MATN2: variants seen among roughly 807,000 people sequenced by gnomAD.
MATN2 encodes matrilin-2.
A neutral mutation model predicts 103.2 loss-of-function variants in MATN2; 69 were observed. That is an observed-to-expected ratio of 0.67 (90% CI 0.55 to 0.82). The LOEUF (loss-of-function observed/expected upper bound fraction) is 0.82. MATN2 is among the 40% of genes least tolerant of loss of function. The pLI is 0.00. For synonymous variants in MATN2, 429 were observed against 450.2 expected (o/e 0.95, Z 0.60); for missense variants, 1,023 against 1,211.5 (o/e 0.84, Z 2.31).
At chr8:97,943,392 TCTC>T (rs1298273294) in intron 4 of MATN2, among the ~76,000 whole-genome samples, 2 of 148,360 alleles carry the variant, frequency 1.3e-5, no homozygotes, top group Non-Finnish European at 3.0e-5. Context: ...CCTTTCTCCT[TCTC>T]CTTCTCTGTC....
At chr8:97,956,784 A>T (rs1563690550) in intron 4 of MATN2, among the ~76,000 whole-genome samples, 1 of 152,116 alleles carries the variant, frequency 6.6e-6, no homozygotes, top group Non-Finnish European at 1.5e-5. Flanking sequence ...CTTGCTGAGG[A>T]TGAGGAGAGG....
intron 2 of MATN2, among the ~76,000 whole-genome samples, chr8:97,899,087 C>G (rs559854661): frequency 2.6e-5 from 4 of 151,988 alleles, no homozygotes; most frequent in Non-Finnish European, 5.9e-5. Context: ...CCCCACCCAC[C>G]CTGTTTTATC....
chr8:97,948,089 C>A (rs1295692300), intron 4 of MATN2, among the ~76,000 whole-genome samples: 1 of 152,082 alleles, frequency 6.6e-6, no homozygotes, highest in Non-Finnish European at 1.5e-5. Flanking sequence ...CTCTTGGGGG[C>A]CATTTTCAAC....
At chr8:97,918,497 C>T (rs1188297692) in intron 2 of MATN2, among the ~76,000 whole-genome samples, 1 of 152,194 alleles carries the variant, frequency 6.6e-6, no homozygotes, top group Non-Finnish European at 1.5e-5. Flanking sequence ...CATCACTGCA[C>T]ATTAAGTTAC....
At chr8:97,966,681 A>G (rs942834479) in intron 5 of MATN2, among the ~76,000 whole-genome samples, 1 of 152,218 alleles carries the variant, frequency 6.6e-6, no homozygotes. Context: ...CGGCATTAAC[A>G]TGACAGAGAG....
chr8:98,005,624 T>C lies in MATN2; in HGVS notation c.1328-1481T>C, dbSNP rs1025834731. Among the ~76,000 whole-genome samples, 15 of 152,272 alleles carry C rather than the reference T, an allele frequency of 9.9e-5. No individual in the cohort carries two copies. The East Asian group carries it at 2.3e-3, about 24-fold the overall frequency. On this transcript the variant is annotated intron_variant, in intron 8 of 18. Transcript: ENST00000254898. This position sits in a 1 kb window ranked among gnomAD's most constrained non-coding sequence, Gnocchi z 4.6. ...CAAGCTGTTTCTGTCTCGCAGTCCT[T>C]AGAGAAAGCCACAGGCTTCTGCTTT... is the stretch of plus-strand genomic sequence containing the variant.
chr8:97,984,168 A>G (rs1022059304), intron 6 of MATN2, among the ~76,000 whole-genome samples: 4 of 152,094 alleles, frequency 2.6e-5, no homozygotes, highest in Non-Finnish European at 5.9e-5. Context: ...CAATATTCTC[A>G]CTGTGCCATC....
chr8:97,948,346 G>C (rs573391045), intron 4 of MATN2, among the ~76,000 whole-genome samples: 1 of 152,150 alleles, frequency 6.6e-6, no homozygotes, highest in East Asian at 1.9e-4. Context: ...CAAGTAGGCA[G>C]ATTCACAAAT....
intron 4 of MATN2, among the ~76,000 whole-genome samples, chr8:97,946,294 T>G (rs1457041258): frequency 6.6e-6 from 1 of 152,238 alleles, no homozygotes; most frequent in African/African-American, 2.4e-5. Context: ...CTTCTTGGCC[T>G]TTTGGCTAAG....
Position 97,973,809 on chromosome 8 carries a change from G to A in MATN2, c.959-5077G>A, listed in dbSNP as rs1811743071. Among the ~76,000 whole-genome samples, 3 of 151,918 alleles carry A rather than the reference G, an allele frequency of 2.0e-5. No individual in the cohort carries two copies. The South Asian group carries it at 6.2e-4, about 32-fold the overall frequency. ...GGTCTCGAACCCCTGGGCTCAAGCAGTCTGCCTGCCTCGGCCTCCCAAAGT... is the reference window on the plus strand; with the variant it reads ...GGTCTCGAACCCCTGGGCTCAAGCAATCTGCCTGCCTCGGCCTCCCAAAGT... On this transcript the variant is annotated intron_variant, in intron 5 of 18. Transcript: ENST00000254898.
intron 5 of MATN2, among the ~76,000 whole-genome samples, chr8:97,971,005 A>T (rs1404920716): frequency 6.6e-6 from 1 of 152,180 alleles, no homozygotes; most frequent in Non-Finnish European, 1.5e-5. Context: ...AAATGTAAAC[A>T]TATGGGGGAA....
At chr8:97,902,083 G>A (rs1016952801) in intron 2 of MATN2, among the ~76,000 whole-genome samples, 2 of 151,562 alleles carry the variant, frequency 1.3e-5, no homozygotes, top group East Asian at 1.9e-4. Context: ...GGCTGGTCTC[G>A]AACTCCTGGG....
At chr8:97,914,183 G>C (rs1025007427) in intron 2 of MATN2, among the ~76,000 whole-genome samples, 3 of 151,992 alleles carry the variant, frequency 2.0e-5, no homozygotes, top group Non-Finnish European at 4.4e-5. Flanking sequence ...CTGGGAGCTT[G>C]GATGGGAGGG....
At chr8:97,981,430 A>G (rs907632893) in intron 6 of MATN2, among the ~76,000 whole-genome samples, 11 of 141,010 alleles carry the variant, frequency 7.8e-5, no homozygotes, top group Admixed American at 7.4e-4. Flanking sequence ...AAAAATGAGT[A>G]TTTAACTGTG....
intron 1 of MATN2, among the ~76,000 whole-genome samples, chr8:97,872,103 C>G (rs1817915072): frequency 6.6e-6 from 1 of 152,186 alleles, no homozygotes; most frequent in Non-Finnish European, 1.5e-5. Flanking sequence ...GCTATACTTA[C>G]TATTATTGTC....
At chr8:97,962,319 G>C (rs758422872) in intron 5 of MATN2, among the ~76,000 whole-genome samples, 1 of 152,202 alleles carries the variant, frequency 6.6e-6, no homozygotes, top group Non-Finnish European at 1.5e-5. Context: ...TGTCTTCCGT[G>C]TTCTATTGTT....
Position 98,033,146 on chromosome 8 carries a change from C to T in MATN2, c.2686C>T (p.Gln896Ter), listed in dbSNP as rs746899053. 4 of 1,608,138 alleles carry T rather than the reference C, an allele frequency of 2.5e-6. No homozygotes were observed. The Admixed American group carries it at 6.8e-5, about 27-fold the overall frequency. The change falls in exon 17 of 19, where the codon CAA becomes TAA. Residue 896 changes from glutamine to a stop codon, truncating the protein, a stop_gained. Transcript: ENST00000254898. LOFTEE classifies it high-confidence loss of function. ...AGAAGACAATCTTTTACGGTCTACA[C>T]AAAAGCTTTCCCATTCAACAAAACC... ...FEEDNLLRSTQKLSHSTKPSG... is the reference protein window; with the variant it reads ...FEEDNLLRST
intron 2 of MATN2, among the ~76,000 whole-genome samples, chr8:97,910,063 G>A (rs946917565): frequency 2.7e-5 from 4 of 148,198 alleles, no homozygotes; most frequent in Non-Finnish European, 4.5e-5. Context: ...GATTACAGGC[G>A]ACTTTTTTTT....
At position 97,896,753 on chromosome 8, in the gene MATN2, G is replaced by A. The variant is rs1374129375; in HGVS notation, c.142+8511G>A. Among the ~76,000 whole-genome samples, 113 of 151,122 alleles carry A rather than the reference G, an allele frequency of 7.5e-4. 1 individual carries two copies. Among genetic ancestry groups the A allele is most frequent in the Non-Finnish European group, 3.1e-4 (21 of 67,770 alleles). ...CAGCAAGGCTGGGCAGTGGGATCAG[G>A]CAACACAGTAGGGCTGGGCAGTGGG... On this transcript the variant is annotated intron_variant, in intron 2 of 18. Transcript: ENST00000254898.
Sources: gnomAD v4.1 joint callset for allele counts (sites outside exome capture counted in the v4.1 genomes callset) on GRCh38, gnomAD v4.1.1 for gene constraint, Gnocchi (gnomAD v3.1) non-coding constraint, MANE v1.5 for transcripts, NCBI Gene and HGNC (gene_info 2026-07-23, HGNC 2026-07-21) for gene names.